The following ADAMTSL3 variants were observed in gnomAD, a reference collection of about 807,000 sequenced individuals.
ADAMTSL3 encodes ADAMTS-like protein 3.
Under a neutral mutation model 201.7 loss-of-function variants are expected in ADAMTSL3, and 128 were observed. The observed-to-expected ratio is 0.63, with a 90% CI of 0.55 to 0.73. The LOEUF (loss-of-function observed/expected upper bound fraction) is 0.73. Among genes scored for constraint, ADAMTSL3 ranks in the 30% least tolerant of loss-of-function variants. ADAMTSL3 has a pLI of 0.00. For synonymous variants in ADAMTSL3, 738 were observed against 748.4 expected (o/e 0.99, Z 0.23); for missense variants, 1,990 against 2,119.6 (o/e 0.94, Z 1.20).
At chr15:83,840,844 AG>A (rs2064358617) in intron 7 of ADAMTSL3, among the ~76,000 whole-genome samples, 1 of 152,226 alleles carries the variant, frequency 6.6e-6, no homozygotes. Flanking sequence ...TCTAACAAAA[AG>A]CCTGGAGTAG....
intron 10 of ADAMTSL3, among the ~76,000 whole-genome samples, chr15:83,885,505 C>G (rs2065370523): frequency 6.6e-6 from 1 of 151,014 alleles, no homozygotes; most frequent in Non-Finnish European, 1.5e-5. Context: ...CATTTCTCTT[C>G]TTGATTGCCC....
intron 6 of ADAMTSL3, among the ~76,000 whole-genome samples, chr15:83,824,518 C>T (rs2063976701): frequency 1.3e-5 from 2 of 152,190 alleles, no homozygotes; most frequent in South Asian, 4.1e-4. Context: ...CATTAGGCCT[C>T]ACTCTTGGTG....
chr15:83,819,373 A>G (rs1018613307), intron 5 of ADAMTSL3, among the ~76,000 whole-genome samples: 4 of 152,102 alleles, frequency 2.6e-5, no homozygotes, highest in African/African-American at 9.7e-5. Flanking sequence ...GAAGGCATGG[A>G]TAACAATTAA....
At chr15:84,009,603 G>A (rs528620496) in intron 23 of ADAMTSL3, among the ~76,000 whole-genome samples, 2 of 152,246 alleles carry the variant, frequency 1.3e-5, no homozygotes, top group African/African-American at 2.4e-5. Flanking sequence ...AATGTGATAC[G>A]AAAATATCTG....
Position 83,890,092 on chromosome 15 carries a change from C to G in ADAMTSL3, c.1073-17C>G, listed in dbSNP as rs142291271. On this transcript the variant is annotated splice_polypyrimidine_tract_variant and intron_variant, in intron 10 of 29. Transcript: ENST00000286744. The stretch of plus-strand genomic sequence containing the variant: ...AAACGGATGCAATATTCAGACTTGC[C>G]TTTTCTAACACTTTAGGTTATCAGC... 6.6e-5 allele frequency: 106 copies of G among 1,601,702 alleles called. No homozygotes were observed. In the East Asian group the frequency reaches 2.3e-3, roughly 35 times the overall value.
At chr15:83,878,929 T>G (rs1173527890) in intron 9 of ADAMTSL3, among the ~76,000 whole-genome samples, 2 of 152,230 alleles carry the variant, frequency 1.3e-5, no homozygotes, top group Non-Finnish European at 2.9e-5. Flanking sequence ...AGGAAATGTT[T>G]AGAATTATGC....
chr15:83,931,116 G>A (rs576353241), intron 17 of ADAMTSL3, among the ~76,000 whole-genome samples: 76 of 152,304 alleles, frequency 5.0e-4, no homozygotes, highest in African/African-American at 1.7e-3. Context: ...GCTTTTTCCA[G>A]GAGAGAGCCA....
chr15:83,886,507 G>T (rs929093930), intron 10 of ADAMTSL3, among the ~76,000 whole-genome samples: 2 of 152,154 alleles, frequency 1.3e-5, no homozygotes, highest in African/African-American at 4.8e-5. Context: ...GCTAGGATCT[G>T]GTGCCAGGTC....
Position 83,971,552 on chromosome 15 carries a change from C to G in ADAMTSL3, c.2644+915C>G, listed in dbSNP as rs1596481550. On this transcript the variant is annotated intron_variant, in intron 20 of 29. Transcript: ENST00000286744. ...AGCCTGGGCGACAGAGTGTGAGACT[C>G]TGTCTCAAAAAAAAAAAAAAAAAAA... 6.5e-5 allele frequency among the ~76,000 whole-genome samples: 7 copies of G among 107,474 alleles called. No homozygotes were observed. The South Asian group carries it at 1.9e-3, about 30-fold the overall frequency. The allele number at this position is 107,474 out of a possible 152,430, so 70.5% of individuals were successfully genotyped here.
intron 4 of ADAMTSL3, among the ~76,000 whole-genome samples, chr15:83,792,979 A>T (rs2063366300): frequency 6.6e-6 from 1 of 152,214 alleles, no homozygotes. Context: ...TGGTATATAT[A>T]CACAATATAA....
intron 3 of ADAMTSL3, among the ~76,000 whole-genome samples, chr15:83,743,083 G>A (rs1020552597): frequency 1.3e-5 from 2 of 152,068 alleles, no homozygotes; most frequent in East Asian, 1.9e-4. Context: ...TTGTAACTGC[G>A]CTTACCTCCT....
chr15:83,941,607 C>G (rs896083271), intron 17 of ADAMTSL3, among the ~76,000 whole-genome samples: 1 of 152,022 alleles, frequency 6.6e-6, no homozygotes, highest in Non-Finnish European at 1.5e-5. Flanking sequence ...AACTATACAT[C>G]TACTTTATTA....
intron 20 of ADAMTSL3, among the ~76,000 whole-genome samples, chr15:83,972,950 T>G (rs956433408): frequency 1.3e-5 from 2 of 152,164 alleles, no homozygotes; most frequent in Middle Eastern, 3.2e-3. Context: ...TTCCCTGCTG[T>G]CTTCACACAC....
chr15:83,939,191 A>T (rs2142026721), intron 17 of ADAMTSL3, among the ~76,000 whole-genome samples: 1 of 152,164 alleles, frequency 6.6e-6, no homozygotes, highest in Middle Eastern at 3.4e-3. Flanking sequence ...TATTTTATTT[A>T]GGATTTTTAA....
In ADAMTSL3 at chr15:83,826,972, C is replaced by T. The variant is rs142420108; in HGVS notation, c.600+6925C>T. Among the ~76,000 whole-genome samples the T allele has an allele frequency of 4.6e-3, 699 of 152,160 alleles. 4 individuals are homozygous for T. The highest frequency in any genetic ancestry group is 0.016 in the African/African-American group (653 of 41,506). On this transcript the variant is annotated intron_variant, in intron 6 of 29. Transcript: ENST00000286744. ...TGTGAATAGTGCCGTAATAAACATACGTGTGCCTGTGTCTTTATAGCAGCA... is the reference window on the plus strand; with the variant it reads ...TGTGAATAGTGCCGTAATAAACATATGTGTGCCTGTGTCTTTATAGCAGCA...
Position 83,952,506 on chromosome 15 carries a change from C to T in ADAMTSL3, c.2490+9424C>T, listed in dbSNP as rs2066776297. 2.6e-5 allele frequency among the ~76,000 whole-genome samples: 4 copies of T among 152,098 alleles called. No individual in the cohort carries two copies. The South Asian group carries it at 8.3e-4, about 32-fold the overall frequency. On this transcript the variant is annotated intron_variant, in intron 19 of 29. Coordinates refer to ENST00000286744, the MANE Select transcript of ADAMTSL3 (RefSeq NM_207517.3). ...GGATGGTTCTTTGTTGGTTTTCGGCCTGGAAGATCTGTCCAGTGTTTAAAG... is the reference window on the plus strand; with the variant it reads ...GGATGGTTCTTTGTTGGTTTTCGGCTTGGAAGATCTGTCCAGTGTTTAAAG...
At chr15:83,939,233 G>T (rs1260958299) in intron 17 of ADAMTSL3, among the ~76,000 whole-genome samples, 1 of 151,816 alleles carries the variant, frequency 6.6e-6, no homozygotes, top group Non-Finnish European at 1.5e-5. Context: ...GCTTAAATGA[G>T]TTGGGAAGTT....
chr15:83,855,845 T>C (rs2064720043), intron 7 of ADAMTSL3, among the ~76,000 whole-genome samples: 1 of 152,074 alleles, frequency 6.6e-6, no homozygotes, highest in Non-Finnish European at 1.5e-5. Flanking sequence ...AATTAGTCTC[T>C]ACAAAAAATT....
At chr15:83,773,871 C>T (rs1199978469) in intron 4 of ADAMTSL3, among the ~76,000 whole-genome samples, 2 of 152,176 alleles carry the variant, frequency 1.3e-5, no homozygotes, top group Admixed American at 6.5e-5. Flanking sequence ...GAGCACTGGA[C>T]ACTTTGGGCT....
Sources: gnomAD v4.1 joint callset for allele counts (sites outside exome capture counted in the v4.1 genomes callset) on GRCh38, gnomAD v4.1.1 for gene constraint, MANE v1.5 for transcripts, NCBI Gene and HGNC (gene_info 2026-07-23, HGNC 2026-07-21) for gene names.